Variants in FTCDNL1 observed in about 807,000 individuals in gnomAD.
FTCDNL1 encodes the protein formiminotransferase N-terminal subdomain-containing protein.
FTCDNL1 carries 11 observed loss-of-function variants against 5.9 expected under a neutral mutation model. That is an observed-to-expected ratio of 1.87 (90% CI 1.18 to 3.10). FTCDNL1 has a LOEUF of 3.10. FTCDNL1 is among the 30% of genes most tolerant of loss of function. The probability of loss-of-function intolerance (pLI) is 0.00; values close to 1 mark genes in which losing one functional copy is unlikely to be tolerated. For synonymous variants in FTCDNL1, 58 were observed against 24.8 expected (o/e 2.34, Z -3.99); for missense variants, 115 against 65.5 (o/e 1.76, Z -2.61).
At chr2:199,838,960 T>TG (rs988714276) in intron 3 of FTCDNL1, among the ~76,000 whole-genome samples, 1 of 152,006 alleles carries the variant, frequency 6.6e-6, no homozygotes, top group Non-Finnish European at 1.5e-5. Context: ...CACTGGAAGA[T>TG]CCTCCTCTGG....
At chr2:199,685,201 T>C in the FTCDNL1 span, among the ~76,000 whole-genome samples, 3 of 152,140 alleles carry the variant, frequency 2.0e-5, no homozygotes, top group African/African-American at 4.8e-5. Context: ...GAATCTGCAA[T>C]GGAACCTCTG....
intron 3 of FTCDNL1, among the ~76,000 whole-genome samples, chr2:199,785,310 C>T (rs920321802): frequency 7.8e-6 from 1 of 127,862 alleles, no homozygotes; most frequent in African/African-American, 2.9e-5. Flanking sequence ...TGCAGTGGTG[C>T]GATCTCAGCT....
chr2:199,832,657 A>G (rs1282519873), intron 3 of FTCDNL1, among the ~76,000 whole-genome samples: 2 of 152,120 alleles, frequency 1.3e-5, no homozygotes, highest in Admixed American at 6.6e-5. Context: ...GAATCTTGAT[A>G]TATAAAACAG....
intron 3 of FTCDNL1, among the ~76,000 whole-genome samples, chr2:199,842,717 A>C (rs542626795): frequency 6.6e-6 from 1 of 152,192 alleles, no homozygotes; most frequent in Non-Finnish European, 1.5e-5. Flanking sequence ...TTTTGCATAC[A>C]AAGTATACAT....
chr2:199,844,471 C>A, intron 3 of FTCDNL1: 1 of 665,092 alleles, frequency 1.5e-6, no homozygotes, highest in Non-Finnish European at 2.8e-6. Flanking sequence ...GGTGGATTCC[C>A]TCTTGAACTT....
chr2:199,709,589 G>C, the FTCDNL1 span, among the ~76,000 whole-genome samples: 22 of 152,226 alleles, frequency 1.4e-4, no homozygotes, highest in African/African-American at 4.6e-4. Context: ...TGAAAACCAA[G>C]TGAGGAAGAT....
At chr2:199,717,458 TCAG>T in the FTCDNL1 span, among the ~76,000 whole-genome samples, 7 of 147,130 alleles carry the variant, frequency 4.8e-5, no homozygotes, top group Non-Finnish European at 8.9e-5. Flanking sequence ...TTAGAATTGC[TCAG>T]CAGCAGGAGA....
At chr2:199,773,387 C>T (rs944212303) in intron 3 of FTCDNL1, among the ~76,000 whole-genome samples, 6 of 152,172 alleles carry the variant, frequency 3.9e-5, no homozygotes, top group African/African-American at 1.4e-4. Context: ...CCCTAGGTAT[C>T]AGTGCTACCT....
At chr2:199,780,902 GT>G (rs1034615990) in intron 3 of FTCDNL1, among the ~76,000 whole-genome samples, 2 of 152,104 alleles carry the variant, frequency 1.3e-5, no homozygotes, top group Admixed American at 1.3e-4. Flanking sequence ...GTTCTCTTGT[GT>G]CCCCTCATGG....
At chr2:199,708,904 ACT>A in the FTCDNL1 span, among the ~76,000 whole-genome samples, 1 of 151,790 alleles carries the variant, frequency 6.6e-6, no homozygotes, top group Non-Finnish European at 1.5e-5. Context: ...TCTTTCTGAA[ACT>A]CTGATTTATA....
At chr2:199,680,926 C>T in the FTCDNL1 span, among the ~76,000 whole-genome samples, 2 of 152,246 alleles carry the variant, frequency 1.3e-5, no homozygotes, top group East Asian at 3.9e-4. Flanking sequence ...TTTCCTACTT[C>T]ATCTTTGAGG....
chr2:199,782,683 C>A (rs1699428005), intron 3 of FTCDNL1, among the ~76,000 whole-genome samples: 1 of 152,240 alleles, frequency 6.6e-6, no homozygotes. Flanking sequence ...CTCCACGTAT[C>A]CTCCTAAGAG....
chr2:199,783,472 A>G (rs1295723861), intron 3 of FTCDNL1, among the ~76,000 whole-genome samples: 1 of 152,182 alleles, frequency 6.6e-6, no homozygotes, highest in Non-Finnish European at 1.5e-5. Context: ...CTAATATTTC[A>G]ACGTTACATG....
At chr2:199,692,261 T>C in the FTCDNL1 span, among the ~76,000 whole-genome samples, 2 of 152,160 alleles carry the variant, frequency 1.3e-5, no homozygotes, top group African/African-American at 4.8e-5. Flanking sequence ...AGAAGACTAG[T>C]AATTTTTCAA....
chr2:199,730,423 A>C, the FTCDNL1 span, among the ~76,000 whole-genome samples: 42 of 152,240 alleles, frequency 2.8e-4, no homozygotes, highest in African/African-American at 9.6e-4. Flanking sequence ...AATAGGAGAA[A>C]ATTTTTGCAA....
the FTCDNL1 span, among the ~76,000 whole-genome samples, chr2:199,739,962 G>C: frequency 6.6e-6 from 1 of 152,082 alleles, no homozygotes; most frequent in Non-Finnish European, 1.5e-5. Context: ...CTGGGAGCCG[G>C]GCCTGCCAGG....
the FTCDNL1 span, among the ~76,000 whole-genome samples, chr2:199,707,819 C>T: frequency 1.3e-5 from 2 of 151,920 alleles, no homozygotes; most frequent in Non-Finnish European, 2.9e-5. Context: ...TAATTTATGT[C>T]TTTGTTCATC....
the FTCDNL1 span, among the ~76,000 whole-genome samples, chr2:199,717,986 C>CA: frequency 0.55 from 78,337 of 142,354 alleles, 24,157 homozygotes; most frequent in Non-Finnish European, 0.71. Context: ...ACCAAAAAAA[C>CA]AAAAAAAAAA....
Position 199,838,708 on chromosome 2 carries a change from C to T in FTCDNL1, c.211+7367G>A, listed in dbSNP as rs766311222. Among the ~76,000 whole-genome samples the T allele has an allele frequency of 5.9e-5, 9 of 152,106 alleles. No homozygotes were observed. In the South Asian group the frequency reaches 1.9e-3, roughly 32 times the overall value. On this transcript the variant is annotated intron_variant, in intron 3 of 4. Coordinates refer to ENST00000420128, the MANE Select transcript of FTCDNL1 (RefSeq NM_001363886.2). The stretch of plus-strand genomic sequence containing the variant: ...AAGTCGGCTTCAGCAGCGGTCAGAG[C>T]CCATCCCTGATCCACACAGACAGGC...
Sources: gnomAD v4.1 joint callset for allele counts (sites outside exome capture counted in the v4.1 genomes callset) on GRCh38, gnomAD v4.1.1 for gene constraint, MANE v1.5 for transcripts, NCBI Gene and HGNC (gene_info 2026-07-23, HGNC 2026-07-21) for gene names.